Variants in NAV2 observed in about 807,000 individuals in gnomAD.
NAV2 encodes the protein neuron navigator 2, also known as helicase, APC down-regulated 1.
In NAV2, 54 loss-of-function variants were observed where a neutral mutation model predicts 223.2. The observed-to-expected ratio is 0.24, with a 90% confidence interval of 0.19 to 0.30. The LOEUF (loss-of-function observed/expected upper bound fraction) is 0.30. Among genes scored for constraint, NAV2 ranks in the 10% least tolerant of loss-of-function variants. The pLI is 1.00. For missense variants in NAV2, 2,806 were observed against 3,147.5 expected (o/e 0.89, Z 2.60); for synonymous variants, 1,279 against 1,239.3 (o/e 1.03, Z -0.67).
chr11:19,466,697 C>A (rs2133898413), intron 1 of NAV2, among the ~76,000 whole-genome samples: 1 of 152,252 alleles, frequency 6.6e-6, no homozygotes, highest in South Asian at 2.1e-4. Flanking sequence ...AGGAGTCTGT[C>A]AGTTGGGACA....
At chr11:19,796,205 A>C (rs2152747808) in intron 1 of NAV2, among the ~76,000 whole-genome samples, 1 of 152,348 alleles carries the variant, frequency 6.6e-6, no homozygotes, top group African/African-American at 2.4e-5. Flanking sequence ...CTGGAAGAAA[A>C]GAAATGAGAA....
chr11:19,992,658 G>A (rs1390082461), intron 11 of NAV2, among the ~76,000 whole-genome samples: 2 of 137,948 alleles, frequency 1.4e-5, no homozygotes, highest in Non-Finnish European at 3.0e-5. Flanking sequence ...CACGATCTCA[G>A]CTCAATGTAA....
At chr11:19,474,150 A>G in intron 1 of NAV2, among the ~76,000 whole-genome samples, 1 of 152,358 alleles carries the variant, frequency 6.6e-6, no homozygotes, top group East Asian at 1.9e-4. Context: ...TGGAAGAAGT[A>G]GAAGGGTATG....
chr11:19,594,622 A>G (rs1487180), intron 1 of NAV2, among the ~76,000 whole-genome samples: 144,402 of 152,132 alleles, frequency 0.95, 68,831 homozygotes, highest in Non-Finnish European at 1. Flanking sequence ...CCATCTCCAT[A>G]TCTGTAAAAT....
intron 1 of NAV2, among the ~76,000 whole-genome samples, chr11:19,550,913 C>T (rs2044669471): frequency 6.6e-6 from 1 of 152,230 alleles, no homozygotes; most frequent in Non-Finnish European, 1.5e-5. Context: ...AGTTACCACC[C>T]CTTCCCTAGA....
chr11:19,385,750 C>T (rs1405942713), intron 1 of NAV2, among the ~76,000 whole-genome samples: 1 of 88,730 alleles, frequency 1.1e-5, no homozygotes, highest in Admixed American at 1.4e-4. Flanking sequence ...TTCAATATAG[C>T]TCCTTTTTTT....
At chr11:19,813,181 C>T (rs2058927318) in intron 1 of NAV2, among the ~76,000 whole-genome samples, 3 of 151,990 alleles carry the variant, frequency 2.0e-5, no homozygotes, top group African/African-American at 7.2e-5. Context: ...GTTGTTTTTT[C>T]TTTTCAACAG....
At chr11:19,837,695 C>G (rs145852947) in intron 2 of NAV2, among the ~76,000 whole-genome samples, 2,590 of 152,034 alleles carry the variant, frequency 0.017, 45 homozygotes, top group Non-Finnish European at 0.028. Context: ...AACTGGGCTA[C>G]ATTGTTCAAA....
At chr11:19,444,316 C>T (rs1033838193) in intron 1 of NAV2, among the ~76,000 whole-genome samples, 2 of 152,130 alleles carry the variant, frequency 1.3e-5, no homozygotes, top group African/African-American at 2.4e-5. Context: ...GATTTGGGCT[C>T]CCCCTCCACA....
chr11:19,435,926 T>C (rs1851198961), intron 1 of NAV2, among the ~76,000 whole-genome samples: 1 of 152,190 alleles, frequency 6.6e-6, no homozygotes, highest in African/African-American at 2.4e-5. Flanking sequence ...ATTTGTGTTC[T>C]TGTTATTGAG....
rs117460144 is a variant in NAV2, at chr11:19,740,462, C to T, written c.267+26500C>T. On this transcript the variant is annotated intron_variant, in intron 1 of 37. Coordinates refer to ENST00000349880, the MANE Select transcript of NAV2 (RefSeq NM_145117.5). ...GGACCTCTGCCTAGGAAAACAGAGA[C>T]CTTTGTTCACGTGTTTATCTGCTGA... Among the ~76,000 whole-genome samples, 92 of 152,248 alleles carry T rather than the reference C, an allele frequency of 6.0e-4. No homozygotes were observed. In the East Asian group the frequency reaches 0.015, roughly 25 times the overall value.
At chr11:20,080,334 TC>T in intron 25 of NAV2, 125 bp downstream of exon 25, 1 of 864,276 alleles carries the variant, frequency 1.2e-6, no homozygotes, top group Non-Finnish European at 1.8e-6. Context: ...TGGGCGTAGA[TC>T]CCAGGAAATG....
At chr11:19,849,007 C>T (rs910303591) in intron 3 of NAV2, among the ~76,000 whole-genome samples, 5 of 152,142 alleles carry the variant, frequency 3.3e-5, no homozygotes, top group Middle Eastern at 3.2e-3. Flanking sequence ...AACAACACCT[C>T]GCAGGGTTAC....
chr11:19,348,893 TC>T (rs777136220), upstream of NAV2, among the ~76,000 whole-genome samples: 47 of 152,310 alleles, frequency 3.1e-4, no homozygotes, highest in Non-Finnish European at 3.4e-4. Context: ...TCAATTGGAT[TC>T]AGAAAAGGGT....
intron 1 of NAV2, among the ~76,000 whole-genome samples, chr11:19,488,173 T>C (rs1564978984): frequency 6.6e-6 from 1 of 152,166 alleles, no homozygotes; most frequent in Non-Finnish European, 1.5e-5. Context: ...AGGGGTTGGG[T>C]TGGTGAATCA....
chr11:19,736,044 G>T (rs892458393), intron 1 of NAV2, among the ~76,000 whole-genome samples: 1 of 152,178 alleles, frequency 6.6e-6, no homozygotes, highest in Non-Finnish European at 1.5e-5. Flanking sequence ...AAAAGCCTTT[G>T]TTCCCCAGGG....
intron 1 of NAV2, among the ~76,000 whole-genome samples, chr11:19,551,736 G>C (rs1042946746): frequency 4.4e-5 from 4 of 89,928 alleles, no homozygotes; most frequent in African/African-American, 1.0e-4. Flanking sequence ...AAATAGTGGT[G>C]GGGGAAAAAA....
At chr11:20,080,798 G>A (rs558035390) in intron 25 of NAV2, among the ~76,000 whole-genome samples, 71 of 152,298 alleles carry the variant, frequency 4.7e-4, no homozygotes, top group Admixed American at 4.6e-3. Context: ...CCATTACAGT[G>A]TTTCTCCATG....
chr11:19,591,208 A>G (rs1186687154), intron 1 of NAV2: 2 of 152,328 alleles, frequency 1.3e-5, no homozygotes, highest in Non-Finnish European at 1.5e-5. Context: ...GTGAATGGAA[A>G]CATAGCTTGT....
Sources: gnomAD v4.1 joint callset for allele counts (sites outside exome capture counted in the v4.1 genomes callset) on GRCh38, gnomAD v4.1.1 for gene constraint, MANE v1.5 for transcripts, NCBI Gene and HGNC (gene_info 2026-07-23, HGNC 2026-07-21) for gene names.